Variants in NYAP2 observed in about 807,000 individuals in gnomAD.
The protein encoded by NYAP2 is neuronal tyrosine-phosphorylated phosphoinositide-3-kinase adapter 2.
In NYAP2, 23 loss-of-function variants were observed where a neutral mutation model predicts 50.4. The ratio of observed to expected loss-of-function variants is 0.46; its 90% CI spans 0.33 to 0.65. The LOEUF is 0.65. Among genes scored for constraint, NYAP2 ranks in the 30% least tolerant of loss-of-function variants. The pLI, the probability that NYAP2 is intolerant of heterozygous loss-of-function variation, is 0.02. For synonymous variants in NYAP2, 394 were observed against 365.2 expected, an observed-to-expected ratio of 1.08 and a Z score of -0.90; for missense variants, 885 against 861.0, an observed-to-expected ratio of 1.03 and a Z score of -0.35.
At chr2:225,695,946 T>C in the NYAP2 span, among the ~76,000 whole-genome samples, 10 of 151,916 alleles carry the variant, frequency 6.6e-5, no homozygotes, top group African/African-American at 9.7e-5. Flanking sequence ...AAGCAAGATA[T>C]TTATCTGAGA....
At chr2:225,658,923 C>T (rs1456351902), downstream of NYAP2, among the ~76,000 whole-genome samples, 4 of 152,170 alleles carry the variant, frequency 2.6e-5, no homozygotes, top group South Asian at 4.1e-4. Context: ...CTTTTACATA[C>T]TTTAGGCAGC....
chr2:225,402,906 T>C (rs1216208174), intron 2 of NYAP2, among the ~76,000 whole-genome samples: 5 of 152,064 alleles, frequency 3.3e-5, no homozygotes, highest in Non-Finnish European at 7.4e-5. Context: ...ACATGTGTTA[T>C]GGGTTATAAC....
chr2:225,453,998 G>A (rs1171318569), intron 3 of NYAP2, among the ~76,000 whole-genome samples: 3 of 151,870 alleles, frequency 2.0e-5, no homozygotes, highest in Non-Finnish European at 4.4e-5. Context: ...TTTTTATAGA[G>A]CAATTAATAT....
chr2:225,543,384 G>A (rs973446463), intron 4 of NYAP2, among the ~76,000 whole-genome samples: 2 of 151,608 alleles, frequency 1.3e-5, no homozygotes, highest in African/African-American at 4.8e-5. Context: ...TTTGATGTAG[G>A]TGCTTATAGC....
chr2:225,655,885 T>TACAC (rs372646871), downstream of NYAP2, among the ~76,000 whole-genome samples: 4,922 of 120,996 alleles, frequency 0.041, 213 homozygotes, highest in Non-Finnish European at 0.051. Flanking sequence ...CAACCTCCAC[T>TACAC]ACACACACAC....
the NYAP2 span, among the ~76,000 whole-genome samples, chr2:225,675,156 T>C: frequency 6.6e-6 from 1 of 152,134 alleles, no homozygotes; most frequent in Non-Finnish European, 1.5e-5. Flanking sequence ...TCAACTTTTA[T>C]TATAGTTTAA....
At chr2:225,693,106 G>A in the NYAP2 span, among the ~76,000 whole-genome samples, 1 of 151,988 alleles carries the variant, frequency 6.6e-6, no homozygotes, top group Non-Finnish European at 1.5e-5. Flanking sequence ...AATCCATACT[G>A]TATTCCAGTG....
intron 6 of NYAP2, among the ~76,000 whole-genome samples, chr2:225,641,880 G>C (rs1187465101): frequency 2.0e-5 from 3 of 151,864 alleles, no homozygotes; most frequent in African/African-American, 7.3e-5. Flanking sequence ...TGGAAACATG[G>C]GGAAGGTGAA....
At chr2:225,580,618 A>G (rs955811034) in intron 4 of NYAP2, among the ~76,000 whole-genome samples, 1 of 152,188 alleles carries the variant, frequency 6.6e-6, no homozygotes, top group African/African-American at 2.4e-5. Context: ...TAGAAAGGTG[A>G]AATACATAGT....
chr2:225,550,703 A>G (rs1691658561), intron 4 of NYAP2, among the ~76,000 whole-genome samples: 1 of 152,198 alleles, frequency 6.6e-6, no homozygotes, highest in Admixed American at 6.5e-5. Context: ...GATCCAGAGA[A>G]GAAAGAAACA....
the NYAP2 span, among the ~76,000 whole-genome samples, chr2:225,695,922 A>G: frequency 6.6e-6 from 1 of 151,952 alleles, no homozygotes; most frequent in Non-Finnish European, 1.5e-5. Context: ...GGAACTCTCT[A>G]TCAAATTAGG....
intron 5 of NYAP2, among the ~76,000 whole-genome samples, chr2:225,585,823 T>C (rs1371620914): frequency 6.6e-6 from 1 of 152,192 alleles, no homozygotes; most frequent in Non-Finnish European, 1.5e-5. Context: ...ATGCAAAACA[T>C]AGAACCAAAA....
At chr2:225,579,052 G>GCA (rs746222840) in intron 4 of NYAP2, among the ~76,000 whole-genome samples, 2 of 151,558 alleles carry the variant, frequency 1.3e-5, no homozygotes, top group African/African-American at 2.4e-5. Context: ...ACACGCGCGT[G>GCA]CACACACACA....
intron 3 of NYAP2, among the ~76,000 whole-genome samples, chr2:225,439,650 A>G (rs188215593): frequency 6.6e-6 from 1 of 152,360 alleles, no homozygotes; most frequent in East Asian, 1.9e-4. Flanking sequence ...GGAGGGGGAC[A>G]ACAGTGACCC....
intron 5 of NYAP2, among the ~76,000 whole-genome samples, chr2:225,594,872 G>C (rs528721055): frequency 3.3e-5 from 5 of 152,230 alleles, no homozygotes; most frequent in African/African-American, 4.8e-5. Flanking sequence ...CCAATCAACT[G>C]AAAAATCTGG....
At chr2:225,446,789 C>G (rs1005906280) in intron 3 of NYAP2, among the ~76,000 whole-genome samples, 13 of 152,080 alleles carry the variant, frequency 8.5e-5, no homozygotes, top group African/African-American at 3.1e-4. Flanking sequence ...ACAAGGATGA[C>G]TACTGCGCCT....
At chr2:225,660,562 A>G in the NYAP2 span, among the ~76,000 whole-genome samples, 1 of 150,798 alleles carries the variant, frequency 6.6e-6, no homozygotes. Flanking sequence ...CGATTTAACT[A>G]TTAAAACGAA....
intron 4 of NYAP2, among the ~76,000 whole-genome samples, chr2:225,519,990 TGTG>T (rs1245519354): frequency 6.6e-6 from 1 of 152,170 alleles, no homozygotes; most frequent in Admixed American, 6.5e-5. Flanking sequence ...GGTATCTCAT[TGTG>T]GTTTTGATTT....
intron 3 of NYAP2, among the ~76,000 whole-genome samples, chr2:225,437,077 C>CATAT (rs368025746): frequency 2.1e-4 from 31 of 149,228 alleles, no homozygotes; most frequent in Admixed American, 1.2e-3. Context: ...TTCATCAAAT[C>CATAT]ATATATATAT....
Sources: gnomAD v4.1 joint callset for allele counts (sites outside exome capture counted in the v4.1 genomes callset) on GRCh38, gnomAD v4.1.1 for gene constraint, MANE v1.5 for transcripts, NCBI Gene and HGNC (gene_info 2026-07-23, HGNC 2026-07-21) for gene names.